RDH16: variants seen among roughly 807,000 people sequenced by gnomAD.
RDH16 encodes the protein retinol dehydrogenase 16, also known as human epidermal retinol dehydrogenase.
A neutral mutation model predicts 22.3 loss-of-function variants in RDH16; 25 were observed. That is an observed-to-expected ratio of 1.12 (90% CI 0.82 to 1.56). The LOEUF (loss-of-function observed/expected upper bound fraction) is 1.56, where lower values mean the gene tolerates loss of function less well. RDH16 is among the 40% of genes most tolerant of loss of function. The pLI, the probability that RDH16 is intolerant of heterozygous loss-of-function variation, is 0.00. For synonymous variants in RDH16, 154 were observed against 164.4 expected (o/e 0.94, Z 0.48); for missense variants, 413 against 394.9 (o/e 1.05, Z -0.39).
intron 1 of RDH16, among the ~76,000 whole-genome samples, chr12:56,955,504 T>C (rs889489947): frequency 6.6e-6 from 1 of 152,232 alleles, no homozygotes; most frequent in Non-Finnish European, 1.5e-5. Flanking sequence ...GTTTGGTTAG[T>C]TAAACATGAA....
rs552518451 is a variant in RDH16, at chr12:56,952,547, G to T, written c.736+280C>A. Among the ~76,000 whole-genome samples the T allele has an allele frequency of 3.3e-5, 5 of 152,296 alleles. No homozygotes were observed. The East Asian group carries it at 9.7e-4, about 29-fold the overall frequency. On this transcript the variant is annotated intron_variant, in intron 3 of 3. Coordinates refer to ENST00000398138, the MANE Select transcript of RDH16 (RefSeq NM_003708.5). ...AACAAGCTGTCTCTAATGCCAGCTT[G>T]TGATCAGCCACCAATGTCTTCCCTT...
At chr12:56,954,102 G>C (rs7314151) in intron 2 of RDH16, among the ~76,000 whole-genome samples, 46,198 of 152,096 alleles carry the variant, frequency 0.3, 8,947 homozygotes, top group African/African-American at 0.55. Flanking sequence ...AATGGCCTCA[G>C]GGCTTGAAGC....
At chr12:56,952,379 C>T (rs1955889563) in intron 3 of RDH16, 133 bp from the exon 4 acceptor site, 1 of 803,908 alleles carries the variant, frequency 1.2e-6, no homozygotes. Context: ...CCTCAAATCT[C>T]TTTTATCCAA....
At position 56,955,232 on chromosome 12, in the gene RDH16, C is replaced by T. The variant is rs1253428494; in HGVS notation, c.314-68G>A. The T allele has an allele frequency of 5.7e-6, 9 of 1,570,062 alleles. No individual in the cohort carries two copies. In the African/African-American group the frequency reaches 9.4e-5, roughly 16 times the overall value. On this transcript the variant is annotated intron_variant, in intron 1 of 3. Transcript: ENST00000398138. ...TGTGCAGGTGGACAGAGTTAGGGTG[C>T]AAATCACATCCCAATAAAGTGAGGG... is the stretch of plus-strand genomic sequence containing the variant.
At position 56,957,384 on chromosome 12, in the gene RDH16, G is replaced by A; in HGVS notation, c.79C>T (p.Leu27=). Residue 27 remains leucine, a synonymous_variant, in exon 1 of 4, where the codon CTG becomes TTG. Coordinates refer to ENST00000398138, the MANE Select transcript of RDH16 (RefSeq NM_003708.5). The part of the protein sequence containing the change: ...WYRERQVLSH[L]RDKYVFITGC... Reference sequence around the variant, plus strand: ...GTGATGAACACATACTTATCTCTCAGGTGGCTCAGCACCTGCCTCTCCCGG... The same window carrying A: ...GTGATGAACACATACTTATCTCTCAAGTGGCTCAGCACCTGCCTCTCCCGG... The A allele has an allele frequency of 6.2e-7, 1 of 1,614,086 alleles. No homozygotes were observed. Among genetic ancestry groups the A allele is most frequent in the Non-Finnish European group, 8.5e-7 (1 of 1,180,010 alleles).
rs761804355 is a variant in RDH16, at chr12:56,957,299, C to T, written c.164G>A (p.Arg55Gln). 6.2e-6 allele frequency: 10 copies of T among 1,614,194 alleles called. No individual in the cohort carries two copies. Among genetic ancestry groups the T allele is most frequent in the Admixed American group, 3.3e-5 (2 of 60,030 alleles). The change falls in exon 1 of 4, where the codon CGG becomes CAG. Residue 55 changes from arginine to glutamine, a missense_variant. By Grantham distance (43) the Arg-to-Gln change is conservative. Coordinates refer to ENST00000398138, the MANE Select transcript of RDH16 (RefSeq NM_003708.5). ...CTCCGTCAGACATGCAGCCAGCACC[C>T]GCAAGCCTCGTGCATCCAGCTGTCT... The part of the protein sequence containing the change: ...LARQLDARGL[R>Q]VLAACLTEKG...
chr12:56,953,508 G>A (rs1327677506), intron 2 of RDH16, among the ~76,000 whole-genome samples: 1 of 152,192 alleles, frequency 6.6e-6, no homozygotes, highest in East Asian at 1.9e-4. Flanking sequence ...TCCCTTTTCT[G>A]GAGGGGGTTC....
At position 56,952,186 on chromosome 12, in the gene RDH16, T is replaced by C; in HGVS notation, c.797A>G (p.Asn266Ser). The change falls in exon 4 of 4, where the codon AAC (asparagine) becomes AGC (serine). Residue 266 changes from asparagine to serine, a missense_variant. Asn to Ser is a conservative substitution (Grantham distance 46, BLOSUM62 1). Transcript: ENST00000398138. ...GGCAATCAGCGCATGCTCCATGCAG[T>C]TGGTCACCAACGACAGATCCTGTGT... ...KCTQDLSLVT[N>S]CMEHALIACH... is the part of the protein sequence containing the mutation. 2 of 1,614,174 alleles carry C rather than the reference T, an allele frequency of 1.2e-6. No individual in the cohort carries two copies. Among genetic ancestry groups the C allele is most frequent in the East Asian group, 2.2e-5 (1 of 44,878 alleles).
chr12:56,956,284 T>C lies in RDH16; in HGVS notation c.313+866A>G, dbSNP rs555180658. 3.9e-5 allele frequency among the ~76,000 whole-genome samples: 6 copies of C among 152,312 alleles called. No individual in the cohort carries two copies. In the South Asian group the frequency reaches 6.2e-4, roughly 16 times the overall value. On this transcript the variant is annotated intron_variant, in intron 1 of 3. Coordinates refer to ENST00000398138, the MANE Select transcript of RDH16 (RefSeq NM_003708.5). Reference sequence around the variant, plus strand: ...ATCCAACCACTCAGTATGGATTACATAGGTAAGGCTATTGGAAGGATACAG... The same window carrying C: ...ATCCAACCACTCAGTATGGATTACACAGGTAAGGCTATTGGAAGGATACAG...
At position 56,957,209 on chromosome 12, in the gene RDH16, G is replaced by C; in HGVS notation, c.254C>G (p.Thr85Ser). 1 of 1,614,142 alleles carries C rather than the reference G, an allele frequency of 6.2e-7. No homozygotes were observed. The highest frequency in any genetic ancestry group is 1.1e-5 in the South Asian group (1 of 91,072). The change falls in exon 1 of 4, where the codon ACC becomes AGC. Residue 85 changes from threonine to serine, a missense_variant. Thr to Ser is a moderately conservative substitution (Grantham distance 58, BLOSUM62 1). Transcript: ENST00000398138. ...DRLETVTLDVTKTESVAAAAQ... is the reference protein window; with the variant it reads ...DRLETVTLDVSKTESVAAAAQ... ...GGCTGCAGCAACGCTCTCTGTCTTG[G>C]TAACATCCAGGGTCACCGTCTCCAG...
chr12:56,954,134 G>A (rs997136368), intron 2 of RDH16, among the ~76,000 whole-genome samples: 1 of 152,192 alleles, frequency 6.6e-6, no homozygotes, highest in African/African-American at 2.4e-5. Flanking sequence ...TAGAGAGGAA[G>A]AGCCCCAGAG....
At position 56,954,900 on chromosome 12, in the gene RDH16, C is replaced by G. The variant is rs1315704004; in HGVS notation, c.572+6G>C. ...GACTAGGGTGGGCCCCATCCCAGAC[C>G]CATACCTGAGGGAGTCAGAGAAGGC... On this transcript the variant is annotated splice_donor_region_variant and intron_variant, in intron 2 of 3. Coordinates refer to ENST00000398138, the MANE Select transcript of RDH16 (RefSeq NM_003708.5). The G allele has an allele frequency of 6.2e-7, 1 of 1,614,098 alleles. No homozygotes were observed.
chr12:56,957,079 G>A, intron 1 of RDH16, 71 bp downstream of exon 1: 1 of 1,434,596 alleles, frequency 7.0e-7, no homozygotes, highest in Non-Finnish European at 9.6e-7. Flanking sequence ...ATCTTCCCAG[G>A]GAGCAGACAG....
Position 56,954,969 on chromosome 12 carries a change from G to A in RDH16, c.509C>T (p.Ser170Leu), listed in dbSNP as rs201546365. ...GATGCAGTAGCCTCCACCAAAAAGTGACACCCGGCCCATGACACTGGAGAC... is the reference window on the plus strand; with the variant it reads ...GATGCAGTAGCCTCCACCAAAAAGTAACACCCGGCCCATGACACTGGAGAC... Reference protein sequence around the residue: ...VNVSSVMGRVSLFGGGYCISK... With the variant: ...VNVSSVMGRVLLFGGGYCISK... Residue 170 changes from serine (S) to leucine (L), a missense_variant, in exon 2 of 4, where the codon TCA becomes TTA. Ser to Leu is a moderately radical substitution (Grantham distance 145). Transcript: ENST00000398138. The A allele has an allele frequency of 9.9e-6, 16 of 1,614,164 alleles. No individual in the cohort carries two copies. The East Asian group carries it at 3.6e-4, about 36-fold the overall frequency.
At chr12:56,955,933 G>C (rs1955924651) in intron 1 of RDH16, among the ~76,000 whole-genome samples, 1 of 152,054 alleles carries the variant, frequency 6.6e-6, no homozygotes, top group Non-Finnish European at 1.5e-5. Flanking sequence ...CCCAGCTCTG[G>C]GAAAATCTCT....
chr12:56,956,565 C>G (rs1161991642), intron 1 of RDH16, among the ~76,000 whole-genome samples: 6 of 151,978 alleles, frequency 3.9e-5, no homozygotes, highest in Non-Finnish European at 7.4e-5. Context: ...TTCTTTCTTC[C>G]TCTATAATAA....
intron 2 of RDH16, 93 bp from the exon 3 acceptor site, chr12:56,953,083 G>A (rs1955898377): frequency 8.9e-7 from 1 of 1,118,420 alleles, no homozygotes; most frequent in South Asian, 1.6e-5. Context: ...CACAACATAT[G>A]AGGACAATGG....
At chr12:56,954,857 CAAG>C in intron 2 of RDH16, 46 bp downstream of exon 2, 2 of 1,600,778 alleles carry the variant, frequency 1.2e-6, no homozygotes, top group Non-Finnish European at 1.7e-6. Context: ...GACTTCCCCA[CAAG>C]GACAGGAGCA....
chr12:56,954,553 C>T (rs1166940867), intron 2 of RDH16, among the ~76,000 whole-genome samples: 1 of 152,180 alleles, frequency 6.6e-6, no homozygotes, highest in Non-Finnish European at 1.5e-5. Flanking sequence ...GTTCCCCTGT[C>T]CTGGGCTTGG....
Sources: gnomAD v4.1 joint callset for allele counts (sites outside exome capture counted in the v4.1 genomes callset) on GRCh38, gnomAD v4.1.1 for gene constraint, MANE v1.5 for transcripts, NCBI Gene and HGNC (gene_info 2026-07-23, HGNC 2026-07-21) for gene names.